WWOX: variants seen among roughly 807,000 people sequenced by gnomAD.
The protein encoded by WWOX is WW domain containing oxidoreductase, also known as WW domain-containing oxidoreductase.
In WWOX, 69 loss-of-function variants were observed where a neutral mutation model predicts 46.2. That is an observed-to-expected ratio of 1.49 (90% CI 1.23 to 1.82). WWOX has a LOEUF of 1.82. Ranked by LOEUF, WWOX falls within the 40% of genes most tolerant of loss-of-function variation. The pLI, the probability that WWOX is intolerant of heterozygous loss-of-function variation, is 0.00. For missense variants in WWOX, 919 were observed against 542.6 expected, an observed-to-expected ratio of 1.69 and a Z score of -6.89; for synonymous variants, 359 against 202.6, an observed-to-expected ratio of 1.77 and a Z score of -6.56.
chr16:78,123,443 T>TTGTTTTG (rs1567584463), intron 4 of WWOX: 10 of 52,842 alleles, frequency 1.9e-4, no homozygotes, highest in Admixed American at 8.7e-4. Context: ...TTGTTTTGTT[T>TTGTTTTG]TTTTTTTTTT....
At chr16:78,158,509 C>G (rs2034679586) in intron 4 of WWOX, among the ~76,000 whole-genome samples, 1 of 146,776 alleles carries the variant, frequency 6.8e-6, no homozygotes, top group Admixed American at 6.8e-5. Context: ...TTTGAGATGA[C>G]TTTAAAATAT....
intron 5 of WWOX, among the ~76,000 whole-genome samples, chr16:78,189,622 A>G (rs1447137939): frequency 6.6e-6 from 1 of 152,156 alleles, no homozygotes; most frequent in African/African-American, 2.4e-5. Context: ...AATGGCACCT[A>G]AACAAATCCT....
At chr16:78,578,340 A>T (rs1164018292) in intron 8 of WWOX, among the ~76,000 whole-genome samples, 1 of 115,842 alleles carries the variant, frequency 8.6e-6, no homozygotes, top group East Asian at 2.9e-4. Context: ...CCCAGGCTGG[A>T]GTGCAGTGGC....
chr16:78,594,468 T>C (rs1333468912), intron 8 of WWOX, among the ~76,000 whole-genome samples: 1 of 99,146 alleles, frequency 1.0e-5, no homozygotes, highest in Non-Finnish European at 1.9e-5. Flanking sequence ...CGTTGTCTCT[T>C]GGCTGGTCTT....
intron 8 of WWOX, among the ~76,000 whole-genome samples, chr16:79,132,185 A>G (rs541412376): frequency 6.6e-6 from 1 of 151,442 alleles, no homozygotes; most frequent in African/African-American, 2.4e-5. Flanking sequence ...TACGTCCTAC[A>G]TCCCTGTACT....
intron 5 of WWOX, among the ~76,000 whole-genome samples, chr16:78,324,926 A>G (rs564254001): frequency 5.3e-5 from 8 of 152,342 alleles, no homozygotes; most frequent in African/African-American, 1.2e-4. Context: ...TGGTATGTCA[A>G]TTATATCTCA....
rs2083252221 is a variant in WWOX at position 78,432,634 on chromosome 16, C to A, written c.938C>A (p.Pro313Gln). 1 of 1,614,102 alleles carries A rather than the reference C, an allele frequency of 6.2e-7. No individual in the cohort carries two copies. The highest frequency in any genetic ancestry group is 1.3e-5 in the African/African-American group (1 of 74,940). The stretch of plus-strand genomic sequence containing the variant: ...AACGAGCTGCACCGTCGCCTCTCCC[C>A]ACGCGGGGTCACGTCGAACGCAGTG... The part of the protein sequence containing the change: ...FSNELHRRLS[P>Q]RGVTSNAVHP... The change falls in exon 8 of 9, where the codon CCA (proline) becomes CAA (glutamine). Residue 313 changes from proline to glutamine, a missense_variant. Pro to Gln is a moderately conservative substitution (Grantham distance 76, BLOSUM62 -1). Transcript: ENST00000566780.
intron 6 of WWOX, among the ~76,000 whole-genome samples, chr16:78,393,872 G>A (rs1469648978): frequency 2.0e-5 from 3 of 151,530 alleles, no homozygotes; most frequent in Non-Finnish European, 2.9e-5. Context: ...TTAAAATAAC[G>A]GTTTTGTATC....
intron 8 of WWOX, among the ~76,000 whole-genome samples, chr16:78,966,293 T>C (rs1420018319): frequency 6.6e-6 from 1 of 152,226 alleles, no homozygotes; most frequent in Non-Finnish European, 1.5e-5. Flanking sequence ...CATTTCCTGA[T>C]AGCTGTTTCA....
intron 5 of WWOX, among the ~76,000 whole-genome samples, chr16:78,343,500 G>C (rs1411056518): frequency 8.3e-6 from 1 of 121,066 alleles, no homozygotes; most frequent in African/African-American, 2.8e-5. Context: ...CATCATGTAA[G>C]GTGATGCTCT....
At chr16:78,649,477 C>T (rs1007534391) in intron 8 of WWOX, among the ~76,000 whole-genome samples, 3 of 151,792 alleles carry the variant, frequency 2.0e-5, no homozygotes, top group African/African-American at 7.3e-5. Context: ...GGGTATTACT[C>T]TGTTGCCCAG....
intron 5 of WWOX, chr16:78,238,204 A>G (rs1341145297): frequency 7.9e-6 from 1 of 125,842 alleles, no homozygotes; most frequent in Non-Finnish European, 1.8e-5. Context: ...AAGCAAAAAC[A>G]AATTTATTGT....
intron 8 of WWOX, among the ~76,000 whole-genome samples, chr16:78,940,180 A>G (rs937921922): frequency 3.0e-4 from 45 of 152,320 alleles, no homozygotes; most frequent in African/African-American, 9.9e-4. Context: ...TTCTTAAAGC[A>G]TGAATGCTGT....
intron 6 of WWOX, among the ~76,000 whole-genome samples, chr16:78,418,535 A>C (rs562511224): frequency 7.9e-4 from 120 of 152,268 alleles, no homozygotes; most frequent in African/African-American, 2.6e-3. Flanking sequence ...TCACTTATAA[A>C]TAGAGATGCA....
At chr16:78,316,574 C>T (rs2080360152) in intron 5 of WWOX, among the ~76,000 whole-genome samples, 1 of 152,096 alleles carries the variant, frequency 6.6e-6, no homozygotes, top group Admixed American at 6.5e-5. Flanking sequence ...AACTCCTGGC[C>T]TCAGGTGTTC....
intron 8 of WWOX, among the ~76,000 whole-genome samples, chr16:78,462,833 C>T (rs1470370378): frequency 6.6e-6 from 1 of 152,230 alleles, no homozygotes; most frequent in Admixed American, 6.5e-5. Context: ...ACTGGGGCAG[C>T]CACATAGACA....
intron 8 of WWOX, among the ~76,000 whole-genome samples, chr16:78,542,791 G>A (rs376004436): frequency 2.5e-4 from 38 of 152,302 alleles, no homozygotes; most frequent in Non-Finnish European, 5.3e-4. Flanking sequence ...AGCTCCAAGT[G>A]CTTTCGTTTC....
rs181406661 is a variant in WWOX at position 78,192,454 on chromosome 16, T to G, written c.516+28165T>G. ...TTGCAGTGAGCCGAGATCGCACCAC[T>G]GCACTCCAGCCTAGGTGACAGAGTG... On this transcript the variant is annotated intron_variant, in intron 5 of 8. Transcript: ENST00000566780. Among the ~76,000 whole-genome samples the G allele has an allele frequency of 2.8e-3, 373 of 131,376 alleles. 3 individuals are homozygous for G. Among genetic ancestry groups the G allele is most frequent in the Middle Eastern group, 0.01 (2 of 192 alleles). The allele number at this position is 131,376 out of a possible 152,430, so 86.2% of individuals were successfully genotyped here. A position where few individuals can be genotyped will look rare whatever the true frequency, so the allele number is the denominator to read the frequency against.
intron 8 of WWOX, among the ~76,000 whole-genome samples, chr16:78,788,888 G>A (rs1274907394): frequency 6.6e-6 from 1 of 152,192 alleles, no homozygotes; most frequent in Admixed American, 6.5e-5. Flanking sequence ...TGAATTGGAG[G>A]ACTCCCAGCT....
Sources: allele counts gnomAD v4.1 joint callset (sites outside exome capture counted in the v4.1 genomes callset), GRCh38; gene constraint gnomAD v4.1.1; transcripts MANE v1.5; gene names NCBI Gene and HGNC (gene_info 2026-07-23, HGNC 2026-07-21).